The following CLVS1 variants were observed in gnomAD, a reference collection of about 807,000 sequenced individuals.
The protein encoded by CLVS1 is clavesin-1.
Under a neutral mutation model 33.1 loss-of-function variants are expected in CLVS1, and 10 were observed. The ratio of observed to expected loss-of-function variants is 0.30; its 90% confidence interval spans 0.19 to 0.51. The LOEUF is 0.51. CLVS1 is among the 20% of genes least tolerant of loss of function. The pLI is 0.97. For synonymous variants in CLVS1, 163 were observed against 166.1 expected (o/e 0.98, Z 0.14); for missense variants, 343 against 433.4 (o/e 0.79, Z 1.85).
chr8:61,477,225 C>A (rs941615610), intron 5 of CLVS1, among the ~76,000 whole-genome samples: 1 of 152,108 alleles, frequency 6.6e-6, no homozygotes, highest in Non-Finnish European at 1.5e-5. Flanking sequence ...ACTTTTGCAA[C>A]GATGTTCATC....
intron 2 of CLVS1, among the ~76,000 whole-genome samples, chr8:61,259,222 T>A (rs1809148585): frequency 6.6e-6 from 1 of 152,232 alleles, no homozygotes; most frequent in Non-Finnish European, 1.5e-5. Flanking sequence ...AAAGTCAAGC[T>A]GTTTTTCCTG....
intron 1 of CLVS1, among the ~76,000 whole-genome samples, chr8:61,071,554 A>G (rs1033134870): frequency 6.6e-6 from 1 of 152,186 alleles, no homozygotes; most frequent in Non-Finnish European, 1.5e-5. Flanking sequence ...CCCCAGCTCA[A>G]GTTCCTGAAT....
chr8:61,225,802 AATG>A (rs561990218), intron 2 of CLVS1, among the ~76,000 whole-genome samples: 194 of 152,326 alleles, frequency 1.3e-3, no homozygotes, highest in African/African-American at 4.5e-3. Context: ...ACCCAGGGAA[AATG>A]ATTAGTTGGA....
the CLVS1 span, among the ~76,000 whole-genome samples, chr8:60,968,274 C>G: frequency 1.3e-5 from 2 of 152,152 alleles, no homozygotes; most frequent in Admixed American, 6.5e-5. Context: ...CTTTGGGAGG[C>G]CGAGGCCGAG....
intron 2 of CLVS1, among the ~76,000 whole-genome samples, chr8:61,265,993 CT>C (rs1809295508): frequency 6.6e-6 from 1 of 152,158 alleles, no homozygotes; most frequent in Non-Finnish European, 1.5e-5. Context: ...ATTCCTGGCT[CT>C]TAGCAGGATC....
At chr8:61,300,584 G>A in intron 2 of CLVS1, 2 of 246,780 alleles carry the variant, frequency 8.1e-6, no homozygotes, top group Non-Finnish European at 1.5e-5. Flanking sequence ...TCTGTCTTTG[G>A]TGTTCTCATC....
intron 2 of CLVS1, among the ~76,000 whole-genome samples, chr8:61,169,727 C>T (rs1806954784): frequency 6.6e-6 from 1 of 152,152 alleles, no homozygotes; most frequent in South Asian, 2.1e-4. Context: ...TTTCCCTCTC[C>T]CCTATAAAGA....
intron 2 of CLVS1, among the ~76,000 whole-genome samples, chr8:61,210,136 C>T (rs1273217074): frequency 6.6e-6 from 1 of 152,140 alleles, no homozygotes; most frequent in Admixed American, 6.5e-5. Flanking sequence ...CTCTAAAATT[C>T]CCATGTTGGA....
chr8:61,150,134 C>T (rs1163120548), intron 2 of CLVS1, among the ~76,000 whole-genome samples: 1 of 50,156 alleles, frequency 2.0e-5, no homozygotes, highest in African/African-American at 6.2e-5. Context: ...GTGTGACTCT[C>T]CTGCAAGGGG....
chr8:61,255,521 C>G (rs923990031), intron 2 of CLVS1, among the ~76,000 whole-genome samples: 1 of 152,128 alleles, frequency 6.6e-6, no homozygotes, highest in Non-Finnish European at 1.5e-5. Context: ...CGAAAATAAA[C>G]CAGTAAGCAA....
rs79722793 is a variant in CLVS1 at position 61,239,294 on chromosome 8, C to G, written c.-151-60383C>G. Among the ~76,000 whole-genome samples the G allele has an allele frequency of 3.8e-3, 573 of 152,284 alleles. 1 individual carries two copies. The highest frequency in any genetic ancestry group is 0.011 in the African/African-American group (469 of 41,558). On this transcript the variant is annotated intron_variant, in intron 2 of 2. Coordinates refer to the CLVS1 transcript ENST00000522621. ...ACTGGACATATCAACCCTGCAGAGA[C>G]ATTGCTTAACGTTGGTGGAATCACA...
At chr8:61,403,650 G>A (rs772444456) in intron 3 of CLVS1, among the ~76,000 whole-genome samples, 43 of 152,274 alleles carry the variant, frequency 2.8e-4, no homozygotes, top group African/African-American at 1.0e-3. Context: ...CTACTACTTA[G>A]GAGACTGGAA....
chr8:61,139,196 C>A (rs1305074068), intron 2 of CLVS1, among the ~76,000 whole-genome samples: 1 of 152,030 alleles, frequency 6.6e-6, no homozygotes, highest in African/African-American at 2.4e-5. Flanking sequence ...GCCGGTGGCG[C>A]CGGCTGCCAG....
intron 2 of CLVS1, among the ~76,000 whole-genome samples, chr8:61,370,053 C>A (rs1296917440): frequency 1.3e-5 from 2 of 152,100 alleles, no homozygotes; most frequent in African/African-American, 4.8e-5. Context: ...CACCTATAAC[C>A]AAGACATAGA....
chr8:61,166,954 T>A (rs1806879081), intron 2 of CLVS1, among the ~76,000 whole-genome samples: 1 of 150,534 alleles, frequency 6.6e-6, no homozygotes, highest in African/African-American at 2.4e-5. Context: ...CTTAGTCAAC[T>A]GAAACACCAT....
intron 5 of CLVS1, among the ~76,000 whole-genome samples, chr8:61,492,487 G>A (rs573836164): frequency 1.7e-3 from 257 of 152,258 alleles, no homozygotes; most frequent in South Asian, 8.7e-3. Flanking sequence ...TGAAAGCCAC[G>A]CACTTCCATC....
chr8:61,070,723 C>T (rs999191673), intron 1 of CLVS1, among the ~76,000 whole-genome samples: 1 of 152,166 alleles, frequency 6.6e-6, no homozygotes, highest in African/African-American at 2.4e-5. Context: ...ACCTGTAGTC[C>T]CAGTTACTCA....
the CLVS1 span, among the ~76,000 whole-genome samples, chr8:61,004,232 C>T: frequency 3.3e-5 from 5 of 152,232 alleles, no homozygotes; most frequent in African/African-American, 4.8e-5. Context: ...TCAATGTTAG[C>T]GGATGCTCCT....
At chr8:61,482,417 G>A (rs904591246) in intron 5 of CLVS1, among the ~76,000 whole-genome samples, 3 of 152,212 alleles carry the variant, frequency 2.0e-5, no homozygotes, top group East Asian at 1.9e-4. Context: ...CGAGCTAAAG[G>A]AGGATGTTCG....
Sources: allele counts gnomAD v4.1 joint callset (sites outside exome capture counted in the v4.1 genomes callset), GRCh38; gene constraint gnomAD v4.1.1; transcripts MANE v1.5; gene names NCBI Gene and HGNC (gene_info 2026-07-23, HGNC 2026-07-21).